Variants in EBF4 observed in about 807,000 individuals in gnomAD.
EBF4 encodes the protein transcription factor COE4.
EBF4 carries 34 observed loss-of-function variants against 67.1 expected under a neutral mutation model. The observed-to-expected ratio is 0.51, with a 90% CI of 0.39 to 0.67. EBF4 has a LOEUF of 0.67. Among genes scored for constraint, EBF4 ranks in the 30% least tolerant of loss-of-function variants. The probability of loss-of-function intolerance (pLI) is 0.00; values close to 1 mark genes in which losing one functional copy is unlikely to be tolerated. For synonymous variants in EBF4, 387 were observed against 377.7 expected (o/e 1.02, Z -0.29); for missense variants, 837 against 873.3 (o/e 0.96, Z 0.52).
chr20:2,714,984 AAAAC>A (rs2087589532), intron 6 of EBF4, among the ~76,000 whole-genome samples: 1 of 152,230 alleles, frequency 6.6e-6, no homozygotes, highest in Non-Finnish European at 1.5e-5. Flanking sequence ...AAAGAAAAGT[AAAAC>A]AAAATAAAAA....
At chr20:2,709,686 G>A (rs1389727421) in intron 6 of EBF4, 44 bp downstream of exon 6, 3 of 1,482,682 alleles carry the variant, frequency 2.0e-6, no homozygotes, top group African/African-American at 1.4e-5. Context: ...AGGAGAGTGG[G>A]GGAGGGGCAG....
At chr20:2,725,617 G>GTGGT (rs1328859080) in intron 6 of EBF4, among the ~76,000 whole-genome samples, 4 of 152,148 alleles carry the variant, frequency 2.6e-5, no homozygotes, top group Non-Finnish European at 5.9e-5. Context: ...TGTTATTGAT[G>GTGGT]TGGTGGTGGT....
At chr20:2,700,688 C>T (rs877147) in intron 1 of EBF4, among the ~76,000 whole-genome samples, 7 of 151,888 alleles carry the variant, frequency 4.6e-5, no homozygotes, top group African/African-American at 1.4e-4. Context: ...TTCTTTAGTC[C>T]GGGTTTGTTT....
Position 2,707,805 on chromosome 20 carries a change from A to C in EBF4, c.415-142A>C. ...GGGTTATCCCCCGCCTGGGCAGCCC[A>C]GAGCAAGGCAGAGGGCGTGCTCTTC... On this transcript the variant is annotated intron_variant, in intron 4 of 16. Transcript: ENST00000609451. The surrounding 1 kb of genome is among the most constrained non-coding windows in gnomAD (Gnocchi z 4.6). 1 of 763,888 alleles carries C rather than the reference A, an allele frequency of 1.3e-6. No homozygotes were observed. Among genetic ancestry groups the C allele is most frequent in the Non-Finnish European group, 2.0e-6 (1 of 504,834 alleles). The allele number at this position is 763,888 out of a possible 1,614,324, so 47.3% of individuals were successfully genotyped here.
chr20:2,709,489 C>A, intron 5 of EBF4, 85 bp from the exon 6 acceptor site: 1 of 1,323,160 alleles, frequency 7.6e-7, no homozygotes. Flanking sequence ...ACCCTCAGCT[C>A]AGGGCGCCCC....
Position 2,747,946 on chromosome 20 carries a change from C to T in EBF4, c.558-603C>T, listed in dbSNP as rs1345489931. Among the ~76,000 whole-genome samples, 1 of 151,952 alleles carries T rather than the reference C, an allele frequency of 6.6e-6. No individual in the cohort carries two copies. The highest frequency in any genetic ancestry group is 6.6e-5 in the Admixed American group (1 of 15,256). On this transcript the variant is annotated intron_variant, in intron 6 of 16. Coordinates refer to ENST00000609451, the Ensembl canonical transcript of EBF4. This position sits in a 1 kb window ranked among gnomAD's most constrained non-coding sequence, Gnocchi z 4.6. ...GTTATACCCCGAGTGTGTGTGATGG[C>T]TGTATTTTGTGAGTAATAGTATCCA...
At chr20:2,744,487 C>CTTTTTTTTTT (rs778840182) in intron 6 of EBF4, among the ~76,000 whole-genome samples, 1,442 of 111,250 alleles carry the variant, frequency 0.013, 27 homozygotes, top group African/African-American at 0.019. Context: ...TTCTTTTTTT[C>CTTTTTTTTTT]TTTTCTTTTT....
chr20:2,711,321 G>A (rs551072462), intron 6 of EBF4, among the ~76,000 whole-genome samples: 6 of 152,124 alleles, frequency 3.9e-5, no homozygotes, highest in Non-Finnish European at 5.9e-5. Flanking sequence ...ATATTTCATT[G>A]TATGGGTATG....
intron 6 of EBF4, 128 bp downstream of exon 6, chr20:2,709,770 C>G: frequency 1.0e-6 from 1 of 985,798 alleles, no homozygotes; most frequent in Non-Finnish European, 1.4e-6. Context: ...GGTTGGGTGG[C>G]TCTGAGCAGA....
At chr20:2,760,083 G>A (rs2088303593), downstream of EBF4, 1 of 152,250 alleles carries the variant, frequency 6.6e-6, no homozygotes, top group Non-Finnish European at 1.5e-5. The surrounding 1 kb of genome is among the most constrained non-coding windows in gnomAD (Gnocchi z 4.2). Flanking sequence ...TGCCCGCCCG[G>A]CCTCTCACCT....
Position 2,709,722 on chromosome 20 carries a change from G to T in EBF4, c.557+80G>T, listed in dbSNP as rs568410329. 5.2e-5 allele frequency: 72 copies of T among 1,379,994 alleles called. No individual in the cohort carries two copies. In the African/African-American group the frequency reaches 9.6e-4, roughly 18 times the overall value. The allele number at this position is 1,379,994 out of a possible 1,614,324, so 85.5% of individuals were successfully genotyped here. On this transcript the variant is annotated intron_variant, in intron 6 of 16. Transcript: ENST00000609451. ...CTGTTTTCAACCACAGAGCACCAAG[G>T]CTCAAGGGAGGAGCGGAGCAGCCCC...
At chr20:2,698,601 GT>G (rs1325059484) in intron 1 of EBF4, among the ~76,000 whole-genome samples, 2 of 152,104 alleles carry the variant, frequency 1.3e-5, no homozygotes, top group Non-Finnish European at 2.9e-5. Flanking sequence ...GTGGAGCCCT[GT>G]CAGGATGGGG....
Position 2,696,197 on chromosome 20 carries a change from C to T in EBF4, c.137+2415C>T, listed in dbSNP as rs149083510. Among the ~76,000 whole-genome samples, 1 of 152,298 alleles carries T rather than the reference C, an allele frequency of 6.6e-6. No individual in the cohort carries two copies. The highest frequency in any genetic ancestry group is 1.9e-4 in the East Asian group (1 of 5,178). ...TTACAAATAAAGTGACCAGGCTGGG[C>T]GCGGTGGCTCACGCCTGTAATTCCA... On this transcript the variant is annotated intron_variant, in intron 1 of 16. Coordinates refer to ENST00000609451, the Ensembl canonical transcript of EBF4. The surrounding 1 kb of genome is among the most constrained non-coding windows in gnomAD (Gnocchi z 4.7).
chr20:2,754,536 G>A (rs1005304), intron 14 of EBF4, among the ~76,000 whole-genome samples: 21,670 of 152,218 alleles, frequency 0.14, 1,685 homozygotes, highest in South Asian at 0.31. Context: ...TGAGGCTGAG[G>A]GCATTTGGAA....
rs142275146 is a variant in EBF4 at position 2,704,794 on chromosome 20, G to C, written c.138-783G>C. On this transcript the variant is annotated intron_variant, in intron 1 of 16. Coordinates refer to ENST00000609451, the Ensembl canonical transcript of EBF4. ...GCATTTGCTCCTAGCCCCAGTTGTT[G>C]CCATGTGTCCAGTGCTTGGTGTATC... 4.2e-3 allele frequency among the ~76,000 whole-genome samples: 636 copies of C among 152,316 alleles called. 4 individuals carry two copies. Among genetic ancestry groups the C allele is most frequent in the African/African-American group, 0.014 (586 of 41,572 alleles).
chr20:2,727,167 T>G (rs1300837345), intron 6 of EBF4, among the ~76,000 whole-genome samples: 1 of 151,976 alleles, frequency 6.6e-6, no homozygotes, highest in African/African-American at 2.4e-5. Flanking sequence ...TTATTATATA[T>G]TATATGTTTA....
intron 6 of EBF4, among the ~76,000 whole-genome samples, chr20:2,730,264 G>T (rs569929013): frequency 1.9e-4 from 29 of 152,294 alleles, no homozygotes; most frequent in African/African-American, 6.3e-4. Flanking sequence ...AAGGCCCTAG[G>T]GGTGAATCTT....
intron 1 of EBF4, among the ~76,000 whole-genome samples, chr20:2,701,208 G>A (rs1427136913): frequency 2.0e-5 from 3 of 152,218 alleles, no homozygotes; most frequent in Admixed American, 1.3e-4. Flanking sequence ...GAGCCGTGCT[G>A]GGGAAGTGCA....
intron 6 of EBF4, among the ~76,000 whole-genome samples, chr20:2,722,403 G>A (rs182485627): frequency 1.6e-3 from 241 of 151,686 alleles, no homozygotes; most frequent in African/African-American, 5.6e-3. Flanking sequence ...TCCTTTATTC[G>A]TTTTGAGTAA....
Sources: allele counts gnomAD v4.1 joint callset (sites outside exome capture counted in the v4.1 genomes callset), GRCh38; gene constraint gnomAD v4.1.1; non-coding constraint Gnocchi (gnomAD v3.1); transcripts MANE v1.5; gene names NCBI Gene and HGNC (gene_info 2026-07-23, HGNC 2026-07-21).